MARCHF6: variants seen among roughly 807,000 people sequenced by gnomAD.
MARCHF6 encodes the protein E3 ubiquitin-protein ligase MARCHF6.
MARCHF6 carries 31 observed loss-of-function variants against 133.7 expected under a neutral mutation model. That is an observed-to-expected ratio of 0.23 (90% CI 0.17 to 0.31). The LOEUF is 0.31. Ranked by LOEUF, MARCHF6 falls within the 10% of genes least tolerant of loss-of-function variation. The pLI is 1.00. For missense variants in MARCHF6, 723 were observed against 1,121.6 expected (o/e 0.64, Z 5.08); for synonymous variants, 395 against 402.5 (o/e 0.98, Z 0.22).
chr5:10,371,859 C>T (rs1453354056), intron 1 of MARCHF6, among the ~76,000 whole-genome samples: 1 of 151,908 alleles, frequency 6.6e-6, no homozygotes, highest in Admixed American at 6.6e-5. Flanking sequence ...ATGCAAGTTG[C>T]TGCTGGCTGG....
intron 15 of MARCHF6, among the ~76,000 whole-genome samples, chr5:10,404,781 G>A (rs2567569): frequency 0.17 from 25,774 of 152,046 alleles, 3,380 homozygotes; most frequent in East Asian, 0.68. Context: ...TGAATCATAC[G>A]GTATAATTTC....
rs1220709290 is a variant in MARCHF6 at position 10,435,265 on chromosome 5, C to T, written c.*1581C>T. Reference sequence around the variant, plus strand: ...TTTTTCCCTAAGTGGTAAGCAATTACTTTAAAACATATTTTTAAAAACATC... The same window carrying T: ...TTTTTCCCTAAGTGGTAAGCAATTATTTTAAAACATATTTTTAAAAACATC... On this transcript the variant is annotated 3_prime_UTR_variant, in exon 26 of 26. Transcript: ENST00000274140. The T allele has an allele frequency of 6.6e-6, 1 of 152,324 alleles. No homozygotes were observed. Among genetic ancestry groups the T allele is most frequent in the Non-Finnish European group, 1.5e-5 (1 of 67,994 alleles). The allele number at this position is 152,324 out of a possible 1,614,324, so 9.4% of individuals were successfully genotyped here.
In MARCHF6 at chr5:10,407,219, T is replaced by C. The variant is rs1174228142; in HGVS notation, c.1553+17T>C. On this transcript the variant is annotated intron_variant, in intron 17 of 25. Coordinates refer to ENST00000274140, the MANE Select transcript of MARCHF6 (RefSeq NM_005885.4). Reference sequence around the variant, plus strand: ...GCTCTACAGGTAAGTTTTAAAAATTTAGAATAGCTTTACTAATTTATCTCT... The same window carrying C: ...GCTCTACAGGTAAGTTTTAAAAATTCAGAATAGCTTTACTAATTTATCTCT... 7.3e-7 allele frequency: 1 copy of C among 1,370,438 alleles called. No individual in the cohort carries two copies. Among genetic ancestry groups the C allele is most frequent in the South Asian group, 1.2e-5 (1 of 82,980 alleles). The allele number at this position is 1,370,438 out of a possible 1,614,324, so 84.9% of individuals were successfully genotyped here. A position where few individuals can be genotyped will look rare whatever the true frequency, so the allele number is the denominator to read the frequency against.
At position 10,387,294 on chromosome 5, in the gene MARCHF6, TTTTC is replaced by T. The variant is rs200760097; in HGVS notation, c.407+240_407+243del. Among the ~76,000 whole-genome samples the T allele has an allele frequency of 8.1e-3, 1,231 of 152,034 alleles. 5 individuals carry two copies. The highest frequency in any genetic ancestry group is 0.021 in the South Asian group (101 of 4,814). On this transcript the variant is annotated intron_variant, in intron 5 of 25. Transcript: ENST00000274140. ...GACTGTTTTGTAATGATGGGATGAC[TTTTC>T]TTTCTTTCTTTTTTTTTTTTTTGAG... is the stretch of plus-strand genomic sequence containing the variant.
chr5:10,378,725 A>T (rs1302173848), intron 2 of MARCHF6, 34 bp from the exon 3 acceptor site: 1 of 1,288,732 alleles, frequency 7.8e-7, no homozygotes, highest in South Asian at 1.2e-5. Flanking sequence ...CTTTGCTGTA[A>T]ACACTGTACT....
intron 15 of MARCHF6, 52 bp from the exon 16 acceptor site, chr5:10,405,506 T>C: frequency 6.7e-7 from 1 of 1,484,444 alleles, no homozygotes; most frequent in Non-Finnish European, 9.1e-7. Context: ...AGCTCATATA[T>C]AGAATTTGAA....
At chr5:10,372,541 T>G (rs1200131858) in intron 1 of MARCHF6, among the ~76,000 whole-genome samples, 1 of 152,194 alleles carries the variant, frequency 6.6e-6, no homozygotes, top group Non-Finnish European at 1.5e-5. Flanking sequence ...TTTCCCCACT[T>G]GAGACCTAAC....
intron 18 of MARCHF6, 146 bp downstream of exon 18, chr5:10,410,422 T>C: frequency 1.1e-6 from 1 of 928,792 alleles, no homozygotes; most frequent in South Asian, 2.1e-5. Context: ...TTGCATATAA[T>C]ACTTCTAAAT....
chr5:10,402,596 A>G lies in MARCHF6; in HGVS notation c.1186A>G (p.Ile396Val). 1 of 1,613,198 alleles carries G rather than the reference A, an allele frequency of 6.2e-7. No individual in the cohort carries two copies. Among genetic ancestry groups the G allele is most frequent in the Non-Finnish European group, 8.5e-7 (1 of 1,179,216 alleles). ...FPLICGWWLD[I>V]CSLEMFDATL... Reference sequence around the variant, plus strand: ...TCTCATTTGTGGTTGGTGGCTGGATATCTGTTCCTTGGTAAGTTGAGTATT... The same window carrying G: ...TCTCATTTGTGGTTGGTGGCTGGATGTCTGTTCCTTGGTAAGTTGAGTATT... The change falls in exon 14 of 26, where the codon ATC becomes GTC. Residue 396 changes from isoleucine (I) to valine (V), a missense_variant. Physicochemically the swap from Ile to Val is conservative, Grantham distance 29. Coordinates refer to ENST00000274140, the MANE Select transcript of MARCHF6 (RefSeq NM_005885.4).
chr5:10,362,570 C>T (rs1429542342), intron 1 of MARCHF6, among the ~76,000 whole-genome samples: 1 of 152,080 alleles, frequency 6.6e-6, no homozygotes, highest in Admixed American at 6.5e-5. Flanking sequence ...ACAATAAACT[C>T]AATATATGTT....
At chr5:10,378,041 C>T in intron 2 of MARCHF6, 147 bp downstream of exon 2, 1 of 545,050 alleles carries the variant, frequency 1.8e-6, no homozygotes, top group Admixed American at 3.2e-5. Context: ...TGAAAAAGCC[C>T]TTTTATTGTA....
intron 1 of MARCHF6, among the ~76,000 whole-genome samples, chr5:10,357,374 AT>A (rs1579510303): frequency 7.1e-6 from 1 of 139,922 alleles, no homozygotes; most frequent in African/African-American, 2.6e-5. Context: ...TTTCTTTTCC[AT>A]TTTGCTAAAT....
chr5:10,388,352 G>A (rs1011564002), intron 5 of MARCHF6, among the ~76,000 whole-genome samples: 2 of 152,126 alleles, frequency 1.3e-5, no homozygotes, highest in African/African-American at 4.8e-5. Context: ...ACTCTCTATA[G>A]AATTTTTTTT....
At chr5:10,371,324 T>A (rs1736451022) in intron 1 of MARCHF6, among the ~76,000 whole-genome samples, 1 of 151,638 alleles carries the variant, frequency 6.6e-6, no homozygotes, top group African/African-American at 2.4e-5. Flanking sequence ...TAGAACTGTG[T>A]GTAGAGATGG....
chr5:10,426,173 C>G (rs1256678469), intron 23 of MARCHF6, among the ~76,000 whole-genome samples: 3 of 152,166 alleles, frequency 2.0e-5, no homozygotes, highest in African/African-American at 7.2e-5. Flanking sequence ...CATCACTTAG[C>G]AGAGCTAACT....
In MARCHF6 at chr5:10,434,354, G is replaced by A. The variant is rs1740505963; in HGVS notation, c.*670G>A. 1 of 152,502 alleles carries A rather than the reference G, an allele frequency of 6.6e-6. No individual in the cohort carries two copies. The allele number at this position is 152,502 out of a possible 1,614,324, so 9.4% of individuals were successfully genotyped here. On this transcript the variant is annotated 3_prime_UTR_variant, in exon 26 of 26. Transcript: ENST00000274140. The stretch of plus-strand genomic sequence containing the variant: ...TTGTATAGTATCTTGTGCTAGGTGA[G>A]GAAATTATTTTTAATTTTGATAATT...
At position 10,411,523 on chromosome 5, in the gene MARCHF6, A is replaced by C. The variant is rs146197042; in HGVS notation, c.1882A>C (p.Asn628His). The part of the protein sequence containing the change: ...VGFQPYRRPL[N>H]FPLRIFLLIV... ...CTTTCAGCCTTACCGCCGACCTTTA[A>C]ATTTTCCACTCAGGGTAGGTGCTAT... The change falls in exon 19 of 26, where the codon AAT becomes CAT. Residue 628 changes from asparagine (N) to histidine (H), a missense_variant. Asn to His is a moderately conservative substitution (Grantham distance 68). Around this residue, in one of 4 missense-constraint regions of MARCHF6, gnomAD observed 492 missense variants for 699.5 expected, o/e 0.70. Transcript: ENST00000274140. 6.8e-3 allele frequency: 11,011 copies of C among 1,613,720 alleles called. 53 individuals carry two copies. Among genetic ancestry groups the C allele is most frequent in the Non-Finnish European group, 7.8e-3 (9,174 of 1,179,806 alleles).
intron 4 of MARCHF6, among the ~76,000 whole-genome samples, chr5:10,383,705 A>T (rs1169597524): frequency 1.3e-5 from 2 of 152,222 alleles, no homozygotes; most frequent in East Asian, 1.9e-4. Flanking sequence ...ATACTTTACT[A>T]AATGAGCAAG....
At position 10,402,177 on chromosome 5, in the gene MARCHF6, T is replaced by C. The variant is rs921931431; in HGVS notation, c.1053+38T>C. ...GAACCAACTTGGGTGTACACTAATA[T>C]TATTCATACCAAAGAACTCTTCATT... On this transcript the variant is annotated intron_variant, in intron 12 of 25. Coordinates refer to ENST00000274140, the MANE Select transcript of MARCHF6 (RefSeq NM_005885.4). 4.6e-6 allele frequency: 6 copies of C among 1,301,896 alleles called. No individual in the cohort carries two copies. The African/African-American group carries it at 7.4e-5, about 16-fold the overall frequency. 80.6% of individuals were successfully genotyped at this position (1,301,896 alleles called of 1,614,324 possible).
Sources: gnomAD v4.1 joint callset for allele counts (sites outside exome capture counted in the v4.1 genomes callset) on GRCh38, gnomAD v4.1.1 for gene constraint, gnomAD v4.1.1 regional missense constraint, MANE v1.5 for transcripts, NCBI Gene and HGNC (gene_info 2026-07-23, HGNC 2026-07-21) for gene names.